FAHD2B: variants seen among roughly 807,000 people sequenced by gnomAD.
FAHD2B encodes the protein fumarylacetoacetate hydrolase domain containing 2B, also known as oxaloacetate tautomerase FAHD2B, mitochondrial.
A neutral mutation model predicts 33.7 loss-of-function variants in FAHD2B; 26 were observed. The ratio of observed to expected loss-of-function variants is 0.77; its 90% confidence interval spans 0.57 to 1.07. The LOEUF is 1.07. FAHD2B is among the 50% of genes least tolerant of loss of function. FAHD2B has a pLI of 0.00. For synonymous variants in FAHD2B, 108 were observed against 150.9 expected, an observed-to-expected ratio of 0.72 and a Z score of 2.08; for missense variants, 272 against 388.1, an observed-to-expected ratio of 0.70 and a Z score of 2.51.
At chr2:97,083,331 G>A, downstream of FAHD2B, 1 of 1,543,940 alleles carries the variant, frequency 6.5e-7, no homozygotes, top group Non-Finnish European at 8.7e-7. Flanking sequence ...CCAGAAGATG[G>A]AGAGGAGGCT....
In FAHD2B at chr2:97,084,160, G is replaced by C; in HGVS notation, c.794+9C>G. On this transcript the variant is annotated intron_variant, in intron 7 of 8. Transcript: ENST00000414820. The stretch of plus-strand genomic sequence containing the variant: ...GAGCGGGGCTGGCAGGACAGCCCTT[G>C]TCACTCACTGGGAGACCCAGGCTAT... 1 of 1,613,738 alleles carries C rather than the reference G, an allele frequency of 6.2e-7. No homozygotes were observed. Among genetic ancestry groups the C allele is most frequent in the Non-Finnish European group, 8.5e-7 (1 of 1,179,822 alleles).
At chr2:97,081,302 A>T, downstream of FAHD2B, 2 of 1,492,102 alleles carry the variant, frequency 1.3e-6, no homozygotes, top group Non-Finnish European at 1.8e-6. Context: ...TCTTGGTGGT[A>T]GGAATGGCCC....
intron 1 of FAHD2B, among the ~76,000 whole-genome samples, chr2:97,093,700 C>T (rs2032495315): frequency 2.0e-5 from 3 of 152,022 alleles, no homozygotes; most frequent in Non-Finnish European, 4.4e-5. Context: ...GTCTCGATCT[C>T]CTGACCTTGT....
intron 4 of FAHD2B, among the ~76,000 whole-genome samples, chr2:97,088,601 T>C (rs1348892135): frequency 1.3e-5 from 2 of 152,128 alleles, no homozygotes; most frequent in Non-Finnish European, 2.9e-5. Context: ...CTCGGATATG[T>C]CTTTATTAGC....
downstream of FAHD2B, chr2:97,082,264 G>T: frequency 1.9e-6 from 3 of 1,570,904 alleles, no homozygotes; most frequent in South Asian, 3.4e-5. Context: ...CGCTGCTCAA[G>T]GCCTTTGCAC....
chr2:97,087,103 G>C (rs951791644), intron 4 of FAHD2B: 4 of 152,110 alleles, frequency 2.6e-5, no homozygotes, highest in African/African-American at 9.7e-5. Context: ...CCAGGCTGGA[G>C]TGCAGTGGTG....
chr2:97,078,807 G>A (rs2031562284), downstream of FAHD2B, among the ~76,000 whole-genome samples: 1 of 151,988 alleles, frequency 6.6e-6, no homozygotes, highest in Non-Finnish European at 1.5e-5. Context: ...GTGCAGGTTT[G>A]TTACATAGGT....
chr2:97,082,012 G>T, downstream of FAHD2B: 1 of 1,553,264 alleles, frequency 6.4e-7, no homozygotes, highest in East Asian at 2.3e-5. Context: ...CTGTGACACA[G>T]GGCAACGGCG....
chr2:97,093,092 C>G (rs2032451054), intron 1 of FAHD2B, among the ~76,000 whole-genome samples: 1 of 151,914 alleles, frequency 6.6e-6, no homozygotes, highest in Non-Finnish European at 1.5e-5. Context: ...GCCACTATTC[C>G]TTACCACATG....
At chr2:97,090,595 C>T (rs2032278519) in intron 3 of FAHD2B, among the ~76,000 whole-genome samples, 1 of 152,090 alleles carries the variant, frequency 6.6e-6, no homozygotes, top group African/African-American at 2.4e-5. Context: ...AAAGGTCTCC[C>T]TTTCCCCTTC....
chr2:97,080,034 TTTAGG>T (rs1184794857), downstream of FAHD2B, among the ~76,000 whole-genome samples: 1 of 152,006 alleles, frequency 6.6e-6, no homozygotes, highest in Non-Finnish European at 1.5e-5. Flanking sequence ...TCTCTCATTC[TTTAGG>T]TTGTCTGTTT....
intron 6 of FAHD2B, 24 bp from the exon 7 acceptor site, chr2:97,084,301 G>A (rs2031812147): frequency 6.2e-7 from 1 of 1,611,704 alleles, no homozygotes; most frequent in Non-Finnish European, 8.5e-7. Context: ...ATGGAACCTT[G>A]GAGTTATCCC....
chr2:97,092,909 G>A (rs1171945994), intron 1 of FAHD2B, among the ~76,000 whole-genome samples: 5 of 144,272 alleles, frequency 3.5e-5, no homozygotes, highest in African/African-American at 1.3e-4. Flanking sequence ...GGAGGCAGAG[G>A]TTGTAGTGAG....
In FAHD2B at chr2:97,083,687, G is replaced by T. The variant is rs2031754265; in HGVS notation, c.*68C>A. 1.2e-6 allele frequency: 2 copies of T among 1,613,084 alleles called. No homozygotes were observed. Among genetic ancestry groups the T allele is most frequent in the East Asian group, 4.5e-5 (2 of 44,876 alleles). On this transcript the variant is annotated 3_prime_UTR_variant, in exon 9 of 9. Coordinates refer to ENST00000414820, the MANE Select transcript of FAHD2B (RefSeq NM_001320848.2). ...GGCACCTGCCCACACCTGCCACTGG[G>T]CCTTTCCCTGGGCTAGGCTGAGTGG...
chr2:97,082,790 C>T, downstream of FAHD2B: 2 of 1,377,916 alleles, frequency 1.5e-6, no homozygotes. Flanking sequence ...ATCTTCTGTC[C>T]CCCTGCTCCC....
chr2:97,084,015 C>T lies in FAHD2B; in HGVS notation c.815G>A (p.Gly272Glu). Residue 272 changes from glycine to glutamate, a missense_variant, in exon 8 of 9, where the codon GGG (glycine) becomes GAG (glutamate). By Grantham distance (98) the Gly-to-Glu change is moderately conservative. Transcript: ENST00000414820. Reference sequence around the variant, plus strand: ...GGGGGTCCCAGTTAGGATGACATCCCCTGGGTAAAAGGTAACAAACCTGGA... The same window carrying T: ...GGGGGTCCCAGTTAGGATGACATCCTCTGGGTAAAAGGTAACAAACCTGGA... The part of the protein sequence containing the change: ...WVSQFVTFYP[G>E]DVILTGTPPG... 6.2e-7 allele frequency: 1 copy of T among 1,613,710 alleles called. No homozygotes were observed. The highest frequency in any genetic ancestry group is 2.2e-5 in the East Asian group (1 of 44,864).
rs1387396005 is a variant in FAHD2B, at chr2:97,083,990, G to T, written c.840C>A (p.Pro280=). 1 of 1,613,840 alleles carries T rather than the reference G, an allele frequency of 6.2e-7. No individual in the cohort carries two copies. The highest frequency in any genetic ancestry group is 8.5e-7 in the Non-Finnish European group (1 of 1,179,980). Residue 280 remains proline, a synonymous_variant, in exon 8 of 9, where the codon CCC becomes CCA. Transcript: ENST00000414820. ...GTTTCCTGAATACACCGACACCTGG[G>T]GGGGTCCCAGTTAGGATGACATCCC... ...YPGDVILTGT[P]PGVGVFRKPP... is the part of the protein sequence containing the mutation.
At chr2:97,094,243 A>T (rs2918938) in intron 1 of FAHD2B, among the ~76,000 whole-genome samples, 91 of 152,140 alleles carry the variant, frequency 6.0e-4, no homozygotes, top group Non-Finnish European at 8.1e-4. Context: ...CCCACATGAC[A>T]CACACATGCA....
At chr2:97,084,105 T>C in intron 7 of FAHD2B, 64 bp downstream of exon 7, 1 of 1,613,062 alleles carries the variant, frequency 6.2e-7, no homozygotes, top group Admixed American at 1.7e-5. Flanking sequence ...GGTGGAGGGC[T>C]CAGGTCAGCC....
Sources: allele counts gnomAD v4.1 joint callset (sites outside exome capture counted in the v4.1 genomes callset), GRCh38; gene constraint gnomAD v4.1.1; transcripts MANE v1.5; gene names NCBI Gene and HGNC (gene_info 2026-07-23, HGNC 2026-07-21).